Variants in MTA3 observed in about 807,000 individuals in gnomAD.
MTA3 encodes metastasis-associated protein MTA3.
A neutral mutation model predicts 83.5 loss-of-function variants in MTA3; 34 were observed. That is an observed-to-expected ratio of 0.41 (90% CI 0.31 to 0.54). The LOEUF (loss-of-function observed/expected upper bound fraction) is 0.54, where lower values mean the gene tolerates loss of function less well. MTA3 is among the 20% of genes least tolerant of loss of function. MTA3 has a pLI of 0.33. For missense variants in MTA3, 761 were observed against 726.4 expected, an observed-to-expected ratio of 1.05 and a Z score of -0.55; for synonymous variants, 303 against 252.7, an observed-to-expected ratio of 1.20 and a Z score of -1.89.
intron 3 of MTA3, among the ~76,000 whole-genome samples, chr2:42,584,024 G>A (rs1679979750): frequency 6.6e-6 from 1 of 151,838 alleles, no homozygotes; most frequent in Non-Finnish European, 1.5e-5. Context: ...TATATTTTTA[G>A]TAGAGACGGG....
Position 42,754,173 on chromosome 2 carries a change from G to A in MTA3, c.*774G>A. ...CAGTTGTTAAAAGTGCCAAGCGTGTGTATCACTGTGACAAGCCGTTTGCTT... is the reference window on the plus strand; with the variant it reads ...CAGTTGTTAAAAGTGCCAAGCGTGTATATCACTGTGACAAGCCGTTTGCTT... On this transcript the variant is annotated 3_prime_UTR_variant, in exon 17 of 17. Coordinates refer to ENST00000405094, the MANE Select transcript of MTA3 (RefSeq NM_001330442.2). 2 of 985,482 alleles carry A rather than the reference G, an allele frequency of 2.0e-6. No individual in the cohort carries two copies. The highest frequency in any genetic ancestry group is 1.1e-4 in the East Asian group (1 of 8,826). The allele number at this position is 985,482 out of a possible 1,614,324, so 61.0% of individuals were successfully genotyped here. A position where few individuals can be genotyped will look rare whatever the true frequency, so the allele number is the denominator to read the frequency against.
chr2:42,584,761 G>C (rs548235993), intron 3 of MTA3, among the ~76,000 whole-genome samples: 2 of 152,158 alleles, frequency 1.3e-5, no homozygotes, highest in South Asian at 4.2e-4. Flanking sequence ...CAGTTACTCA[G>C]GAGACTGAGG....
chr2:42,611,106 C>T lies in MTA3; in HGVS notation c.317+1522C>T, dbSNP rs371644158. On this transcript the variant is annotated intron_variant, in intron 4 of 16. Coordinates refer to ENST00000405094, the MANE Select transcript of MTA3 (RefSeq NM_001330442.2). ...ACGCAGTTCTCCTGCCTCAGCCTTC[C>T]GAGTAGCTGGGATTACAGGCACATG... 5.9e-5 allele frequency among the ~76,000 whole-genome samples: 9 copies of T among 151,792 alleles called. No homozygotes were observed. In the East Asian group the frequency reaches 1.4e-3, roughly 23 times the overall value.
At chr2:42,495,105 A>G (rs1674071403) in intron 1 of MTA3, 1 of 152,686 alleles carries the variant, frequency 6.5e-6, no homozygotes, top group Non-Finnish European at 1.5e-5. Context: ...CCACAGGGTA[A>G]CCTGGCTGGT....
intron 2 of MTA3, among the ~76,000 whole-genome samples, chr2:42,558,452 G>C (rs891936278): frequency 8.6e-5 from 13 of 151,978 alleles, no homozygotes; most frequent in African/African-American, 3.1e-4. Flanking sequence ...GTTTCTCCAT[G>C]TTGGTCAGGC....
At chr2:42,556,914 C>A (rs1042968036) in intron 2 of MTA3, among the ~76,000 whole-genome samples, 4 of 152,100 alleles carry the variant, frequency 2.6e-5, no homozygotes, top group African/African-American at 9.7e-5. Flanking sequence ...CAAGGGCACC[C>A]GATTTCCAGA....
chr2:42,667,635 G>T (rs1343066254), intron 8 of MTA3, among the ~76,000 whole-genome samples: 25 of 149,854 alleles, frequency 1.7e-4, no homozygotes, highest in Middle Eastern at 3.4e-3. Flanking sequence ...GAGAGAGAGA[G>T]AGAGAGAGAG....
At chr2:42,555,455 C>CAAA (rs146740409) in intron 2 of MTA3, among the ~76,000 whole-genome samples, 741 of 53,684 alleles carry the variant, frequency 0.014, 37 homozygotes, top group Middle Eastern at 0.071. Flanking sequence ...AACTCCATCT[C>CAAA]AAAAAAAAAA....
intron 2 of MTA3, among the ~76,000 whole-genome samples, chr2:42,508,104 G>C (rs7594718): frequency 1.3e-5 from 2 of 152,036 alleles, no homozygotes; most frequent in Non-Finnish European, 2.9e-5. Flanking sequence ...TGTTCCCTCT[G>C]CCTAGAGCAC....
At chr2:42,594,790 G>GCA (rs1681564124) in intron 3 of MTA3, among the ~76,000 whole-genome samples, 1 of 132,678 alleles carries the variant, frequency 7.5e-6, no homozygotes, top group Non-Finnish European at 1.6e-5. Context: ...CCAGTGGCGC[G>GCA]ATCTCAGCTC....
rs1235082497 is a variant in MTA3 at position 42,707,979 on chromosome 2, T to C, written c.1227T>C (p.Tyr409=). 6.2e-7 allele frequency: 1 copy of C among 1,612,098 alleles called. No individual in the cohort carries two copies. Among genetic ancestry groups the C allele is most frequent in the Non-Finnish European group, 8.5e-7 (1 of 1,179,008 alleles). ...QCRLCAICWL[Y]WKKYGGLKMP... The stretch of plus-strand genomic sequence containing the variant: ...GATTATGTGCAATTTGTTGGCTTTA[T>C]TGGAAAAAATATGGAGGCTTGAAAA... The change falls in exon 13 of 17, where the codon TAT becomes TAC. Residue 409 remains tyrosine, a synonymous_variant. Coordinates refer to ENST00000405094, the MANE Select transcript of MTA3 (RefSeq NM_001330442.2).
intron 2 of MTA3, among the ~76,000 whole-genome samples, chr2:42,572,655 A>G (rs755897331): frequency 1.3e-5 from 2 of 152,162 alleles, no homozygotes; most frequent in Non-Finnish European, 2.9e-5. Flanking sequence ...TCACATTAAG[A>G]TTTGTCCGAG....
chr2:42,499,624 T>TAAG (rs1674304571), intron 2 of MTA3, among the ~76,000 whole-genome samples: 1 of 151,184 alleles, frequency 6.6e-6, no homozygotes, highest in South Asian at 2.1e-4. Flanking sequence ...ACCCCGTCTC[T>TAAG]ACTAAAAATA....
intron 4 of MTA3, among the ~76,000 whole-genome samples, chr2:42,637,496 T>G (rs1424582417): frequency 6.6e-6 from 1 of 152,208 alleles, no homozygotes; most frequent in Non-Finnish European, 1.5e-5. Context: ...TTGTTTGGCA[T>G]AAAGGAAACT....
At chr2:42,602,882 C>T (rs1415887167) in intron 3 of MTA3, among the ~76,000 whole-genome samples, 3 of 152,128 alleles carry the variant, frequency 2.0e-5, no homozygotes, top group Non-Finnish European at 4.4e-5. Flanking sequence ...TTCTGGTGTC[C>T]GTTCAGACTG....
At chr2:42,707,139 C>G (rs2104503719) in intron 12 of MTA3, among the ~76,000 whole-genome samples, 1 of 152,194 alleles carries the variant, frequency 6.6e-6, no homozygotes, top group African/African-American at 2.4e-5. Flanking sequence ...TGACAGATAC[C>G]TGTTTTTATT....
intron 9 of MTA3, among the ~76,000 whole-genome samples, chr2:42,692,104 G>T (rs1345987416): frequency 1.3e-5 from 2 of 151,810 alleles, no homozygotes; most frequent in African/African-American, 4.8e-5. Context: ...TCTTAGATTT[G>T]CTCTTTCAAG....
intron 2 of MTA3, among the ~76,000 whole-genome samples, chr2:42,509,736 A>G (rs995321338): frequency 2.6e-5 from 4 of 152,022 alleles, no homozygotes; most frequent in Non-Finnish European, 5.9e-5. Flanking sequence ...ATACCACTGC[A>G]CTTTAGTCTG....
chr2:42,639,253 T>C (rs553659450), intron 4 of MTA3, among the ~76,000 whole-genome samples: 2 of 152,116 alleles, frequency 1.3e-5, no homozygotes, highest in Non-Finnish European at 2.9e-5. Context: ...TTAATATATA[T>C]GTGATATATT....
Sources: allele counts gnomAD v4.1 joint callset (sites outside exome capture counted in the v4.1 genomes callset), GRCh38; gene constraint gnomAD v4.1.1; transcripts MANE v1.5; gene names NCBI Gene and HGNC (gene_info 2026-07-23, HGNC 2026-07-21).